The following SMPD3 variants were observed in gnomAD, a reference collection of about 807,000 sequenced individuals.
The protein encoded by SMPD3 is nSMase-2.
In SMPD3, 21 loss-of-function variants were observed where a neutral mutation model predicts 55.7. The observed-to-expected ratio is 0.38, with a 90% CI of 0.27 to 0.54. The LOEUF is 0.54. Ranked by LOEUF, SMPD3 falls within the 20% of genes least tolerant of loss-of-function variation. The pLI is 0.80. For synonymous variants in SMPD3, 457 were observed against 404.3 expected, an observed-to-expected ratio of 1.13 and a Z score of -1.56; for missense variants, 842 against 899.6, an observed-to-expected ratio of 0.94 and a Z score of 0.82.
chr16:68,363,292 C>T (rs1377009834), intron 7 of SMPD3, among the ~76,000 whole-genome samples: 4 of 152,140 alleles, frequency 2.6e-5, no homozygotes. Flanking sequence ...GGCCAGTACC[C>T]CTGGGCGTGA....
chr16:68,397,768 G>A (rs1229244429), intron 1 of SMPD3, among the ~76,000 whole-genome samples: 3 of 152,078 alleles, frequency 2.0e-5, no homozygotes, highest in Non-Finnish European at 2.9e-5. Flanking sequence ...GGCCTTTTGC[G>A]GGGGCGGGGG....
chr16:68,376,157 C>A (rs1339437321), intron 2 of SMPD3, among the ~76,000 whole-genome samples: 1 of 152,248 alleles, frequency 6.6e-6, no homozygotes, highest in Non-Finnish European at 1.5e-5. Flanking sequence ...CTACACTTTC[C>A]CATGAAAGAG....
At chr16:68,411,111 C>G (rs1304431436) in intron 1 of SMPD3, among the ~76,000 whole-genome samples, 2 of 152,236 alleles carry the variant, frequency 1.3e-5, no homozygotes, top group East Asian at 3.8e-4. Flanking sequence ...CCAGAATGTC[C>G]CTGTGGGCAT....
At chr16:68,418,997 G>T (rs11648294) in intron 1 of SMPD3, among the ~76,000 whole-genome samples, 115,394 of 152,052 alleles carry the variant, frequency 0.76, 44,129 homozygotes, top group East Asian at 0.87. Flanking sequence ...GGACAGGATG[G>T]AGAGAGTGTG....
chr16:68,424,967 C>T (rs1834102), intron 1 of SMPD3, among the ~76,000 whole-genome samples: 116,479 of 152,196 alleles, frequency 0.77, 44,839 homozygotes, highest in East Asian at 0.88. Flanking sequence ...CCACCTTGGC[C>T]TCCCAAAATG....
chr16:68,421,007 C>T (rs777501415), intron 1 of SMPD3, among the ~76,000 whole-genome samples: 1 of 152,236 alleles, frequency 6.6e-6, no homozygotes, highest in Non-Finnish European at 1.5e-5. Context: ...GACTTCCCCT[C>T]TTGTCCTTCC....
intron 1 of SMPD3, among the ~76,000 whole-genome samples, chr16:68,399,039 A>T (rs2152009924): frequency 6.6e-6 from 1 of 152,350 alleles, no homozygotes; most frequent in South Asian, 2.1e-4. Context: ...TCAAACATTT[A>T]AAAACACTGA....
intron 1 of SMPD3, among the ~76,000 whole-genome samples, chr16:68,443,142 T>C (rs1246378048): frequency 6.6e-6 from 1 of 152,196 alleles, no homozygotes; most frequent in Non-Finnish European, 1.5e-5. Context: ...TGTTGCAAGA[T>C]TGGAGCAGTT....
At chr16:68,423,962 A>G (rs1290964780) in intron 1 of SMPD3, among the ~76,000 whole-genome samples, 1 of 152,010 alleles carries the variant, frequency 6.6e-6, no homozygotes, top group East Asian at 2.0e-4. Context: ...GGCGGTGAAC[A>G]GTCCACAGTG....
chr16:68,380,944 G>A (rs914364425), intron 2 of SMPD3, among the ~76,000 whole-genome samples: 3 of 152,226 alleles, frequency 2.0e-5, no homozygotes, highest in African/African-American at 7.2e-5. Flanking sequence ...AGATTAAGAC[G>A]ACAAACCTTC....
intron 1 of SMPD3, among the ~76,000 whole-genome samples, chr16:68,407,163 T>C (rs1357638848): frequency 6.6e-6 from 1 of 152,214 alleles, no homozygotes; most frequent in Non-Finnish European, 1.5e-5. Flanking sequence ...TAATTACTGC[T>C]TAACCATAAG....
chr16:68,363,418 C>A (rs891420103), intron 7 of SMPD3, 78 bp downstream of exon 7: 2 of 1,522,668 alleles, frequency 1.3e-6, no homozygotes, highest in Admixed American at 1.7e-5. Context: ...TGAGCTCTCC[C>A]ATGTGGGTCC....
chr16:68,435,808 A>AG (rs2090518790), intron 1 of SMPD3, among the ~76,000 whole-genome samples: 2 of 152,252 alleles, frequency 1.3e-5, no homozygotes, highest in African/African-American at 4.8e-5. Flanking sequence ...AGAAGGAGGC[A>AG]GGCAGTGTGT....
At chr16:68,425,844 C>A (rs2090432350) in intron 1 of SMPD3, among the ~76,000 whole-genome samples, 1 of 152,264 alleles carries the variant, frequency 6.6e-6, no homozygotes, top group Admixed American at 6.5e-5. Flanking sequence ...CCAGAAGGAA[C>A]AACACCTGGG....
chr16:68,407,649 T>A (rs1199246148), intron 1 of SMPD3, among the ~76,000 whole-genome samples: 2 of 152,200 alleles, frequency 1.3e-5, no homozygotes, highest in South Asian at 2.1e-4. Flanking sequence ...TTGTATTTTT[T>A]AAAAATTGTT....
At chr16:68,418,051 A>G (rs1329580688) in intron 1 of SMPD3, among the ~76,000 whole-genome samples, 2 of 152,224 alleles carry the variant, frequency 1.3e-5, no homozygotes, top group Non-Finnish European at 2.9e-5. Context: ...ACAACTTTTT[A>G]TAAAATCCTG....
chr16:68,378,405 G>A (rs1399772344), intron 2 of SMPD3, among the ~76,000 whole-genome samples: 1 of 152,130 alleles, frequency 6.6e-6, no homozygotes, highest in South Asian at 2.1e-4. Flanking sequence ...GCTAATTCCC[G>A]AAAGCCACAT....
In SMPD3 at chr16:68,365,017, C is replaced by G; in HGVS notation, c.1399G>C (p.Glu467Gln). ...IACTHLHAPQ[E>Q]DSAIRCGQLD... Reference sequence around the variant, plus strand: ...AAACACAGGTGGGCGGCAACCCTACCTTGCGGGGCATGCAGGTGTGTGCAG... The same window carrying G: ...AAACACAGGTGGGCGGCAACCCTACGTTGCGGGGCATGCAGGTGTGTGCAG... Residue 467 changes from glutamate to glutamine, a missense_variant and splice_region_variant, in exon 4 of 9, where the codon GAG (glutamate) becomes CAG (glutamine). Glu to Gln is a conservative substitution (Grantham distance 29). Coordinates refer to ENST00000219334, the MANE Select transcript of SMPD3 (RefSeq NM_018667.4). 1 of 1,614,126 alleles carries G rather than the reference C, an allele frequency of 6.2e-7. No individual in the cohort carries two copies. Among genetic ancestry groups the G allele is most frequent in the Non-Finnish European group, 8.5e-7 (1 of 1,180,016 alleles).
intron 1 of SMPD3, among the ~76,000 whole-genome samples, chr16:68,397,117 T>C: frequency 6.6e-6 from 1 of 152,130 alleles, no homozygotes; most frequent in Non-Finnish European, 1.5e-5. Context: ...TGGCACAGAT[T>C]CTGTGAGCAA....
Sources: gnomAD v4.1 joint callset for allele counts (sites outside exome capture counted in the v4.1 genomes callset) on GRCh38, gnomAD v4.1.1 for gene constraint, MANE v1.5 for transcripts, NCBI Gene and HGNC (gene_info 2026-07-23, HGNC 2026-07-21) for gene names.